The following ADGRL2 variants were observed in gnomAD, a reference collection of about 807,000 sequenced individuals.
ADGRL2 encodes the protein adhesion G protein-coupled receptor L2, also known as calcium-independent alpha-latrotoxin receptor 2.
ADGRL2 carries 44 observed loss-of-function variants against 157.4 expected under a neutral mutation model. That is an observed-to-expected ratio of 0.28 (90% CI 0.22 to 0.36). The LOEUF (loss-of-function observed/expected upper bound fraction) is 0.36, where lower values mean the gene tolerates loss of function less well. Among genes scored for constraint, ADGRL2 ranks in the 10% least tolerant of loss-of-function variants. The probability of loss-of-function intolerance (pLI) is 1.00; values close to 1 mark genes in which losing one functional copy is unlikely to be tolerated. For synonymous variants in ADGRL2, 585 were observed against 624.7 expected (o/e 0.94, Z 0.95); for missense variants, 1,510 against 1,768.9 (o/e 0.85, Z 2.63).
At chr1:81,313,071 A>C (rs1220297850) in intron 1 of ADGRL2, among the ~76,000 whole-genome samples, 6 of 152,238 alleles carry the variant, frequency 3.9e-5, no homozygotes, top group African/African-American at 1.4e-4. Flanking sequence ...TACTAAGTTC[A>C]CTGAAGACAT....
In ADGRL2 at chr1:81,422,045, T is replaced by G. The variant is rs529360603; in HGVS notation, c.-301-22991T>G. ...ACTTGAATTTTCTTTTAATTTATAT[T>G]AAATGAAATCATAAAATTGTTTTAC... On this transcript the variant is annotated intron_variant, in intron 1 of 24. Coordinates refer to the ADGRL2 transcript ENST00000370721. Among the ~76,000 whole-genome samples, 73 of 152,330 alleles carry G rather than the reference T, an allele frequency of 4.8e-4. No individual in the cohort carries two copies. The South Asian group carries it at 5.0e-3, about 10-fold the overall frequency.
intron 1 of ADGRL2, among the ~76,000 whole-genome samples, chr1:81,398,673 A>G (rs1169184816): frequency 6.6e-6 from 1 of 152,124 alleles, no homozygotes; most frequent in Admixed American, 6.6e-5. Context: ...CTTTGTTAGC[A>G]GTTGGTTTTT....
intron 1 of ADGRL2, among the ~76,000 whole-genome samples, chr1:81,404,631 T>G (rs2076821380): frequency 6.6e-6 from 1 of 152,228 alleles, no homozygotes; most frequent in African/African-American, 2.4e-5. Context: ...TGATAGGTTG[T>G]AAGCATTTTA....
intron 2 of ADGRL2, chr1:81,502,404 A>C: frequency 6.2e-7 from 1 of 1,614,150 alleles, no homozygotes; most frequent in South Asian, 1.1e-5. Context: ...GATTTTGCCA[A>C]GCTGTATGAA....
intron 1 of ADGRL2, among the ~76,000 whole-genome samples, chr1:81,819,739 A>G (rs2149822176): frequency 6.6e-6 from 1 of 152,250 alleles, no homozygotes; most frequent in East Asian, 1.9e-4. Flanking sequence ...TTGCTAAAGA[A>G]TACTTTTGTC....
At position 81,795,074 on chromosome 1, in the gene ADGRL2, A is replaced by G. The variant is rs139648212; in HGVS notation, c.-101+33222A>G. On this transcript the variant is annotated intron_variant, in intron 2 of 20. Coordinates refer to the ADGRL2 transcript ENST00000359929. ...AAAGTCAAACATCTCATGTTATACA[A>G]TGTTATGCTATAAAAGATTTTCAGA... is the stretch of plus-strand genomic sequence containing the variant. Among the ~76,000 whole-genome samples, 138 of 152,340 alleles carry G rather than the reference A, an allele frequency of 9.1e-4. 1 individual carries two copies. The highest frequency in any genetic ancestry group is 1.7e-3 in the Non-Finnish European group (118 of 68,030).
intron 1 of ADGRL2, among the ~76,000 whole-genome samples, chr1:81,396,696 T>A (rs2076661294): frequency 6.6e-6 from 1 of 152,192 alleles, no homozygotes; most frequent in African/African-American, 2.4e-5. Flanking sequence ...AGGGGTTTTA[T>A]AACGAAGGGA....
chr1:81,370,564 T>C (rs2076145103), intron 1 of ADGRL2, among the ~76,000 whole-genome samples: 1 of 152,268 alleles, frequency 6.6e-6, no homozygotes, highest in Admixed American at 6.5e-5. Flanking sequence ...TAGTTAAATA[T>C]AGGCATCCTA....
intron 3 of ADGRL2, among the ~76,000 whole-genome samples, chr1:81,912,671 A>T (rs985086484): frequency 2.3e-5 from 3 of 129,624 alleles, no homozygotes; most frequent in Non-Finnish European, 5.0e-5. Context: ...AAATTGCCAT[A>T]AAAAAAAACG....
intron 1 of ADGRL2, among the ~76,000 whole-genome samples, chr1:81,355,013 A>G (rs548462001): frequency 2.6e-5 from 4 of 152,222 alleles, no homozygotes; most frequent in South Asian, 4.1e-4. Flanking sequence ...CGTGCCAGGC[A>G]TTCAGTTACT....
intron 10 of ADGRL2, among the ~76,000 whole-genome samples, chr1:81,953,957 G>A (rs1032546072): frequency 2.0e-5 from 3 of 152,078 alleles, no homozygotes; most frequent in Non-Finnish European, 4.4e-5. Context: ...AAAAAATGAC[G>A]TCTCACTAGT....
At chr1:81,629,712 T>A (rs2081976364) in intron 3 of ADGRL2, among the ~76,000 whole-genome samples, 1 of 151,616 alleles carries the variant, frequency 6.6e-6, no homozygotes, top group Admixed American at 6.6e-5. Flanking sequence ...TAGATATATG[T>A]ATACATATGT....
At chr1:81,986,870 G>GT (rs768133553) in intron 21 of ADGRL2, 31 bp from the exon 22 acceptor site, 14 of 1,581,434 alleles carry the variant, frequency 8.9e-6, no homozygotes, top group East Asian at 4.5e-5. Flanking sequence ...ACTTTTCTCT[G>GT]TTTTTTTGTT....
intron 1 of ADGRL2, among the ~76,000 whole-genome samples, chr1:81,707,275 T>C (rs1377875469): frequency 6.6e-6 from 1 of 152,188 alleles, no homozygotes; most frequent in Non-Finnish European, 1.5e-5. Context: ...AATCAGGCTC[T>C]TCCTACAATT....
At chr1:81,977,848 A>G (rs974960845) in intron 17 of ADGRL2, among the ~76,000 whole-genome samples, 3 of 151,784 alleles carry the variant, frequency 2.0e-5, no homozygotes, top group African/African-American at 7.2e-5. Context: ...GGGATAAAAG[A>G]AAGTAAATTG....
At chr1:81,588,199 C>T (rs935445081) in intron 3 of ADGRL2, 1 of 152,104 alleles carries the variant, frequency 6.6e-6, no homozygotes, top group Non-Finnish European at 1.5e-5. Context: ...CTCCTCTTAT[C>T]CCCAGGGAGG....
At chr1:81,951,202 A>G in intron 8 of ADGRL2, 81 bp downstream of exon 8, 1 of 946,062 alleles carries the variant, frequency 1.1e-6, no homozygotes, top group Non-Finnish European at 1.7e-6. Flanking sequence ...TTTGTGTGTT[A>G]AAACCAGCTT....
chr1:81,463,292 C>G (rs2077979928), intron 2 of ADGRL2, among the ~76,000 whole-genome samples: 1 of 151,824 alleles, frequency 6.6e-6, no homozygotes, highest in Non-Finnish European at 1.5e-5. Context: ...TTCTGAGACT[C>G]AAATTCTTCC....
chr1:81,600,320 T>C (rs1205471085), intron 3 of ADGRL2, among the ~76,000 whole-genome samples: 2 of 152,248 alleles, frequency 1.3e-5, no homozygotes, highest in East Asian at 3.8e-4. Context: ...CCATTATTTC[T>C]AGAAGAATCT....
Sources: allele counts gnomAD v4.1 joint callset (sites outside exome capture counted in the v4.1 genomes callset), GRCh38; gene constraint gnomAD v4.1.1; transcripts MANE v1.5; gene names NCBI Gene and HGNC (gene_info 2026-07-23, HGNC 2026-07-21).